The following MAP7D2 variants were observed in gnomAD, a reference collection of about 807,000 sequenced individuals.
MAP7D2 encodes MAP7 domain-containing protein 2.
MAP7D2 carries 33 observed loss-of-function variants against 63.5 expected under a neutral mutation model. That is an observed-to-expected ratio of 0.52 (90% CI 0.39 to 0.70). The LOEUF (loss-of-function observed/expected upper bound fraction) is 0.70, where lower values mean the gene tolerates loss of function less well. Among genes scored for constraint, MAP7D2 ranks in the 30% least tolerant of loss-of-function variants. The pLI, the probability that MAP7D2 is intolerant of heterozygous loss-of-function variation, is 0.00. For synonymous variants in MAP7D2, 224 were observed against 223.7 expected, an observed-to-expected ratio of 1.00 and a Z score of -0.01; for missense variants, 626 against 604.0, an observed-to-expected ratio of 1.04 and a Z score of -0.38.
chrX:20,116,364 G>A (rs1240256458), intron 1 of MAP7D2, among the ~76,000 whole-genome samples: 2 of 112,511 alleles, frequency 1.8e-5, no homozygotes, highest in Non-Finnish European at 3.8e-5. Context: ...GAGAGAGCGC[G>A]CGCGGAGGCC....
intron 1 of MAP7D2, among the ~76,000 whole-genome samples, chrX:20,111,112 C>T (rs777055244): frequency 1.8e-5 from 2 of 111,599 alleles, no homozygotes; most frequent in Non-Finnish European, 3.8e-5. Flanking sequence ...CAATGAGAGA[C>T]CATCTTGGAC....
chrX:20,012,332 A>G lies in MAP7D2; in HGVS notation c.2072+17T>C. On this transcript the variant is annotated intron_variant, in intron 15 of 16. Transcript: ENST00000379643. ...TCGAGAAGTGATGAGGCTTAAATGC[A>G]AAAGAAATGAATATACCTCACATCC... 1 of 1,140,900 alleles carries G rather than the reference A, an allele frequency of 8.8e-7. No individual in the cohort carries two copies. Among genetic ancestry groups the G allele is most frequent in the Non-Finnish European group, 1.2e-6 (1 of 852,774 alleles). 94.0% of individuals were successfully genotyped at this position (1,140,900 alleles called of 1,213,427 possible). A position where few individuals can be genotyped will look rare whatever the true frequency, so the allele number is the denominator to read the frequency against.
chrX:20,027,408 C>T (rs1402308019), intron 8 of MAP7D2, among the ~76,000 whole-genome samples: 1 of 111,610 alleles, frequency 9.0e-6, no homozygotes, highest in Non-Finnish European at 1.9e-5. Context: ...TGCAGAGAAT[C>T]CCCCTGCCCC....
chrX:20,046,999 C>T (rs533935930), intron 6 of MAP7D2, among the ~76,000 whole-genome samples: 3 of 113,026 alleles, frequency 2.7e-5, no homozygotes, highest in African/African-American at 9.6e-5. Context: ...GCACCTTGGA[C>T]TCAGACCCAT....
At chrX:20,085,475 T>C (rs1389976210) in intron 1 of MAP7D2, among the ~76,000 whole-genome samples, 5 of 111,989 alleles carry the variant, frequency 4.5e-5, no homozygotes, top group Non-Finnish European at 9.4e-5. Context: ...TGGCCCTTTT[T>C]ATAGTAACAA....
intron 6 of MAP7D2, among the ~76,000 whole-genome samples, chrX:20,045,527 G>GAAA (rs1170223479): frequency 5.6e-5 from 1 of 18,002 alleles, no homozygotes; most frequent in African/African-American, 2.5e-4. Flanking sequence ...ACCCCATCTC[G>GAAA]AAAAAAAAAA....
intron 6 of MAP7D2, among the ~76,000 whole-genome samples, chrX:20,047,196 G>A (rs777299245): frequency 8.9e-6 from 1 of 112,692 alleles, no homozygotes; most frequent in South Asian, 3.6e-4. Context: ...GGACTGAGCT[G>A]AATTACCTGC....
rs2073378461 is a variant in MAP7D2, at chrX:20,016,108, T to C, written c.1630A>G (p.Met544Val). Residue 544 changes from methionine to valine, a missense_variant, in exon 11 of 17, where the codon ATG becomes GTG. Met to Val is a conservative substitution (Grantham distance 21). Coordinates refer to ENST00000379643, the MANE Select transcript of MAP7D2 (RefSeq NM_001168465.2). ...KQEQEKQEKAMIEKQKEAAET... is the reference protein window; with the variant it reads ...KQEQEKQEKAVIEKQKEAAET... ...TCATACAGTACCTGCTTTTCAATCA[T>C]GGCTTTCTCTTGTTTTTCTTGTTCT... 2.5e-6 allele frequency: 3 copies of C among 1,210,343 alleles called. No homozygotes were observed. The highest frequency in any genetic ancestry group is 2.2e-5 in the Admixed American group (1 of 45,922).
At chrX:20,062,128 G>T (rs1281684454) in intron 3 of MAP7D2, among the ~76,000 whole-genome samples, 2 of 112,633 alleles carry the variant, frequency 1.8e-5, no homozygotes, top group African/African-American at 6.4e-5. Context: ...TAAACAGAAT[G>T]TAACATTCCT....
chrX:20,036,590 A>C (rs1371766077), intron 8 of MAP7D2, among the ~76,000 whole-genome samples: 3 of 105,941 alleles, frequency 2.8e-5, no homozygotes, highest in South Asian at 4.5e-4. Context: ...GTGCCCCTGA[A>C]ACTAAAATAA....
At chrX:20,096,988 G>A (rs764692072) in intron 1 of MAP7D2, among the ~76,000 whole-genome samples, 1 of 111,256 alleles carries the variant, frequency 9.0e-6, no homozygotes, top group South Asian at 3.9e-4. Context: ...TCATTCAGGA[G>A]GAAAATCTAA....
At chrX:20,038,796 G>T (rs188369306) in intron 8 of MAP7D2, among the ~76,000 whole-genome samples, 95 of 112,278 alleles carry the variant, frequency 8.5e-4, no homozygotes, top group Non-Finnish European at 1.5e-3. Context: ...TAAGAAGACA[G>T]TTAGTGTTGA....
At position 20,042,608 on chromosome X, in the gene MAP7D2, G is replaced by T; in HGVS notation, c.901C>A (p.Gln301Lys). 8.3e-7 allele frequency: 1 copy of T among 1,211,354 alleles called. No homozygotes were observed. Among genetic ancestry groups the T allele is most frequent in the East Asian group, 3.0e-5 (1 of 33,859 alleles). ...ASLVEKVKRG[Q>K]RTATSLPVVN... ...ACAGGAAGAGAAGTTGCTGTTCGTT[G>T]CCCCCGCTTCACCTTCTCCACCTGT... Residue 301 changes from glutamine (Q) to lysine (K), a missense_variant, in exon 8 of 17, where the codon CAA becomes AAA. By Grantham distance (53) the Gln-to-Lys change is moderately conservative. Transcript: ENST00000379643.
At position 20,112,223 on chromosome X, in the gene MAP7D2, G is replaced by C. The variant is rs2066764557; in HGVS notation, c.130+4527C>G. Among the ~76,000 whole-genome samples the C allele has an allele frequency of 2.7e-5, 3 of 111,944 alleles. 1 individual carries two copies. The Admixed American group carries it at 2.8e-4, about 11-fold the overall frequency. On this transcript the variant is annotated intron_variant, in intron 1 of 16. Coordinates refer to ENST00000379643, the MANE Select transcript of MAP7D2 (RefSeq NM_001168465.2). The stretch of plus-strand genomic sequence containing the variant: ...GAAAAGCCAAGTCTTTTTAGGTGGT[G>C]AACGAACCCAGCACTGGTCAGAAGC...
Position 20,082,183 on chromosome X carries a change from C to T in MAP7D2, c.131-17378G>A, listed in dbSNP as rs535155261. Among the ~76,000 whole-genome samples the T allele has an allele frequency of 6.8e-4, 76 of 111,614 alleles. 2 individuals carry two copies. The South Asian group carries it at 0.028, about 41-fold the overall frequency. ...AGCTGGCTTCCGTTTCAAGAAGATT[C>T]CTTAGTTTTAAAACAAAATGCAAAG... On this transcript the variant is annotated intron_variant, in intron 1 of 16. Transcript: ENST00000379643.
chrX:20,116,657 C>T (rs1410192782), intron 1 of MAP7D2, 93 bp downstream of exon 1: 1 of 1,042,586 alleles, frequency 9.6e-7, no homozygotes. Context: ...CCCCTTCCCC[C>T]CACGCTCGAG....
chrX:20,101,117 T>C (rs1283649485), intron 1 of MAP7D2, among the ~76,000 whole-genome samples: 1 of 111,957 alleles, frequency 8.9e-6, no homozygotes, highest in Non-Finnish European at 1.9e-5. Context: ...TGCTGACACC[T>C]TGATTTTAAG....
intron 10 of MAP7D2, among the ~76,000 whole-genome samples, chrX:20,018,884 C>G (rs184014768): frequency 2.7e-5 from 3 of 111,855 alleles, no homozygotes; most frequent in African/African-American, 9.7e-5. Context: ...GATGAGCATT[C>G]CTTCTGTCTC....
At position 20,094,487 on chromosome X, in the gene MAP7D2, CATATATATAT is replaced by C. The variant is rs1216874865; in HGVS notation, c.130+22253_130+22262del. Reference sequence around the variant, plus strand: ...GAATTGGTAATAAAAAAAATACATACATATATATATATATATATATATATATATGTATATA... The same window carrying C: ...GAATTGGTAATAAAAAAAATACATACATATATATATATATATATGTATATA... On this transcript the variant is annotated intron_variant, in intron 1 of 16. Transcript: ENST00000379643. Among the ~76,000 whole-genome samples the C allele has an allele frequency of 6.0e-4, 9 of 15,093 alleles. 1 individual carries two copies. The East Asian group carries it at 0.018, about 31-fold the overall frequency. The allele number at this position is 15,093 out of a possible 115,157, so 13.1% of individuals were successfully genotyped here.
Sources: gnomAD v4.1 joint callset for allele counts (sites outside exome capture counted in the v4.1 genomes callset) on GRCh38, gnomAD v4.1.1 for gene constraint, MANE v1.5 for transcripts, NCBI Gene and HGNC (gene_info 2026-07-23, HGNC 2026-07-21) for gene names.